DNAAF5: variants seen among roughly 807,000 people sequenced by gnomAD.
The protein encoded by DNAAF5 is dynein axonemal assembly factor 5.
A neutral mutation model predicts 75.8 loss-of-function variants in DNAAF5; 64 were observed. The observed-to-expected ratio is 0.84, with a 90% CI of 0.69 to 1.04. The LOEUF (loss-of-function observed/expected upper bound fraction) is 1.04, where lower values mean the gene tolerates loss of function less well. Among genes scored for constraint, DNAAF5 ranks in the 50% least tolerant of loss-of-function variants. The pLI, the probability that DNAAF5 is intolerant of heterozygous loss-of-function variation, is 0.00. For synonymous variants in DNAAF5, 657 were observed against 557.2 expected, an observed-to-expected ratio of 1.18 and a Z score of -2.52; for missense variants, 1,269 against 1,178.5, an observed-to-expected ratio of 1.08 and a Z score of -1.12.
chr7:727,100 G>A lies in DNAAF5; in HGVS notation c.380G>A (p.Gly127Asp), dbSNP rs1209538602. 1.1e-4 allele frequency: 117 copies of A among 1,078,594 alleles called. No homozygotes were observed. In the East Asian group the frequency reaches 1.2e-3, roughly 11 times the overall value. The allele number at this position is 1,078,594 out of a possible 1,614,324, so 66.8% of individuals were successfully genotyped here. ...CCCGCGCTCGCCGCGCGCTTGGCCG[G>A]CCCCGTGCCCGCGCGCCGCCCGCCC... ...LLPALAARLA[G>D]PVPARRPPEA... The change falls in exon 1 of 13, where the codon GGC (glycine) becomes GAC (aspartate). Residue 127 changes from glycine to aspartate, a missense_variant. By Grantham distance (94) the Gly-to-Asp change is moderately conservative. Coordinates refer to ENST00000297440, the MANE Select transcript of DNAAF5 (RefSeq NM_017802.4).
Position 747,364 on chromosome 7 carries a change from TG to T in DNAAF5, c.1024+5903del, listed in dbSNP as rs1782150680. Among the ~76,000 whole-genome samples the T allele has an allele frequency of 1.3e-5, 2 of 152,164 alleles. 1 individual carries two copies. Among genetic ancestry groups the T allele is most frequent in the Admixed American group, 1.3e-4 (2 of 15,278 alleles). The stretch of plus-strand genomic sequence containing the variant: ...GGTGTCCAGTGTTGACACACGGTAT[TG>T]GGGTTTGCTGTTTTTAGTGTGTCCA... On this transcript the variant is annotated intron_variant, in intron 4 of 12. Coordinates refer to ENST00000297440, the MANE Select transcript of DNAAF5 (RefSeq NM_017802.4).
At chr7:745,262 G>T (rs1169539373) in intron 4 of DNAAF5, among the ~76,000 whole-genome samples, 2 of 152,214 alleles carry the variant, frequency 1.3e-5, no homozygotes, top group Non-Finnish European at 2.9e-5. Context: ...GACCCTTCAG[G>T]TGTCAGTGGG....
intron 2 of DNAAF5, among the ~76,000 whole-genome samples, chr7:739,372 C>G (rs535293762): frequency 3.3e-5 from 5 of 152,130 alleles, no homozygotes; most frequent in Non-Finnish European, 7.4e-5. Flanking sequence ...TGTCTCTGCT[C>G]GAGACCTGCC....
Position 782,171 on chromosome 7 carries a change from G to T in DNAAF5, c.2431+2027G>T, listed in dbSNP as rs146052959. On this transcript the variant is annotated intron_variant, in intron 12 of 12. Transcript: ENST00000297440. ...AAACTCGGATCTTCGCGGCGTGGCC[G>T]CCTCCCGACACGCGGCGTCAGAAAC... Among the ~76,000 whole-genome samples, 301 of 149,450 alleles carry T rather than the reference G, an allele frequency of 2.0e-3. 1 individual carries two copies. The highest frequency in any genetic ancestry group is 2.1e-3 in the Non-Finnish European group (140 of 66,672).
chr7:762,000 A>AGG, intron 7 of DNAAF5, 104 bp downstream of exon 7: 1 of 1,146,226 alleles, frequency 8.7e-7, no homozygotes, highest in Non-Finnish European at 1.2e-6. Context: ...TCTGTGCTTG[A>AGG]CCAGCAAAGA....
In DNAAF5 at chr7:742,054, C is replaced by G. The variant is rs571662285; in HGVS notation, c.1024+589C>G. On this transcript the variant is annotated intron_variant, in intron 4 of 12. Coordinates refer to ENST00000297440, the MANE Select transcript of DNAAF5 (RefSeq NM_017802.4). Reference sequence around the variant, plus strand: ...CATCTCTCCGCAGAGCCCAGCAGGTCTGGCTGAGTCTGAGTGGAGGCTCCC... The same window carrying G: ...CATCTCTCCGCAGAGCCCAGCAGGTGTGGCTGAGTCTGAGTGGAGGCTCCC... Among the ~76,000 whole-genome samples the G allele has an allele frequency of 2.1e-4, 32 of 152,342 alleles. No individual in the cohort carries two copies. The East Asian group carries it at 5.6e-3, about 27-fold the overall frequency.
chr7:746,441 C>T (rs1159888829), intron 4 of DNAAF5, among the ~76,000 whole-genome samples: 4 of 72,998 alleles, frequency 5.5e-5, no homozygotes, highest in African/African-American at 2.3e-4. Flanking sequence ...TGCCCAGGGC[C>T]TGTGACGCCC....
At chr7:756,494 G>A (rs113514324) in intron 5 of DNAAF5, among the ~76,000 whole-genome samples, 5 of 152,300 alleles carry the variant, frequency 3.3e-5, no homozygotes, top group Admixed American at 6.5e-5. Context: ...ACTGGTGTCC[G>A]ATGAGGGGTG....
chr7:740,773 A>G (rs1781880116), intron 2 of DNAAF5, 46 bp from the exon 3 acceptor site: 1 of 1,608,402 alleles, frequency 6.2e-7, no homozygotes, highest in South Asian at 1.1e-5. Context: ...CAGCCCCGGC[A>G]TCCCCTTTGC....
intron 4 of DNAAF5, among the ~76,000 whole-genome samples, chr7:744,848 C>T (rs1782031419): frequency 6.6e-6 from 1 of 152,172 alleles, no homozygotes; most frequent in African/African-American, 2.4e-5. Context: ...GGTGATCCGC[C>T]TGCCTCAGCC....
chr7:741,367 G>A lies in DNAAF5; in HGVS notation c.926G>A (p.Trp309Ter), dbSNP rs1489856215. The change falls in exon 4 of 13, where the codon TGG (tryptophan) becomes TAG (stop). Residue 309 changes from tryptophan to a stop codon, truncating the protein, a stop_gained. Transcript: ENST00000297440. LOFTEE classifies it high-confidence loss of function. ...PEVRQLAASLWEDVGLQWQKE... is the reference protein window; with the variant it reads ...PEVRQLAASL Reference sequence around the variant, plus strand: ...CTCAGGCAGCTGGCTGCCAGCCTCTGGGAGGACGTTGGCCTGCAGTGGCAG... The same window carrying A: ...CTCAGGCAGCTGGCTGCCAGCCTCTAGGAGGACGTTGGCCTGCAGTGGCAG... 3.8e-6 allele frequency: 6 copies of A among 1,588,708 alleles called. No homozygotes were observed. The highest frequency in any genetic ancestry group is 3.4e-6 in the Non-Finnish European group (4 of 1,168,738).
Position 754,647 on chromosome 7 carries a change from C to A in DNAAF5, c.1083C>A (p.Leu361=), listed in dbSNP as rs139756611. 1.4e-5 allele frequency: 23 copies of A among 1,614,048 alleles called. No individual in the cohort carries two copies. Among genetic ancestry groups the A allele is most frequent in the Middle Eastern group, 1.6e-4 (1 of 6,084 alleles). The change falls in exon 5 of 13, where the codon CTC becomes CTA. Residue 361 remains leucine (L), a synonymous_variant. Transcript: ENST00000297440. The surrounding 1 kb of genome is among the most constrained non-coding windows in gnomAD (Gnocchi z 4.8). ...TCTTCAGGAACCTCTCCAAGATCCT[C>A]CCTGCCCTGTGCCACGACATCACCG... ...ELVFRNLSKI[L]PALCHDITDW... is the part of the protein sequence containing the mutation.
intron 11 of DNAAF5, among the ~76,000 whole-genome samples, chr7:779,240 C>T (rs1394461862): frequency 3.9e-5 from 6 of 152,124 alleles, no homozygotes; most frequent in African/African-American, 1.4e-4. Context: ...GTGCCAGGCG[C>T]GGGCAGCCGC....
chr7:764,841 T>C (rs1408592432), intron 8 of DNAAF5, among the ~76,000 whole-genome samples: 2 of 151,856 alleles, frequency 1.3e-5, no homozygotes, highest in Non-Finnish European at 2.9e-5. Context: ...GAGGCTGAAG[T>C]GGGAGGATCA....
intron 4 of DNAAF5, among the ~76,000 whole-genome samples, chr7:744,970 A>T (rs1782034889): frequency 6.6e-6 from 1 of 151,822 alleles, no homozygotes; most frequent in Non-Finnish European, 1.5e-5. Context: ...TTGAACTCAC[A>T]CTCTTGTCTC....
chr7:738,107 C>CT (rs1172782248), intron 2 of DNAAF5, among the ~76,000 whole-genome samples: 7 of 152,132 alleles, frequency 4.6e-5, no homozygotes, highest in Non-Finnish European at 1.0e-4. Context: ...TCTTTCTATT[C>CT]TTTTTTCTTT....
intron 4 of DNAAF5, among the ~76,000 whole-genome samples, chr7:745,519 A>G (rs1488876122): frequency 6.6e-6 from 1 of 152,128 alleles, no homozygotes; most frequent in South Asian, 2.1e-4. Flanking sequence ...GCACATATGC[A>G]CACGTGTGTA....
chr7:782,344 C>T (rs1267771125), intron 12 of DNAAF5, among the ~76,000 whole-genome samples: 1 of 149,908 alleles, frequency 6.7e-6, no homozygotes. Context: ...AAACTCGGCT[C>T]TTCGCGGCGT....
chr7:775,789 T>G (rs1778741870), intron 11 of DNAAF5, among the ~76,000 whole-genome samples: 1 of 151,832 alleles, frequency 6.6e-6, no homozygotes, highest in Non-Finnish European at 1.5e-5. Flanking sequence ...GCGTTCTGCC[T>G]TAAAACAACG....
Sources: gnomAD v4.1 joint callset for allele counts (sites outside exome capture counted in the v4.1 genomes callset) on GRCh38, gnomAD v4.1.1 for gene constraint, Gnocchi (gnomAD v3.1) non-coding constraint, MANE v1.5 for transcripts, NCBI Gene and HGNC (gene_info 2026-07-23, HGNC 2026-07-21) for gene names.